Variants in MCHR2 observed in about 807,000 individuals in gnomAD.
MCHR2 encodes melanin concentrating hormone receptor 2, also known as melanin-concentrating hormone receptor 2.
In MCHR2, 15 loss-of-function variants were observed where a neutral mutation model predicts 24.8. That is an observed-to-expected ratio of 0.60 (90% CI 0.40 to 0.93). MCHR2 has a LOEUF of 0.93. Ranked by LOEUF, MCHR2 falls within the 40% of genes least tolerant of loss-of-function variation. The probability of loss-of-function intolerance (pLI) is 0.00; values close to 1 mark genes in which losing one functional copy is unlikely to be tolerated. For missense variants in MCHR2, 386 were observed against 408.7 expected (o/e 0.94, Z 0.48); for synonymous variants, 151 against 147.6 (o/e 1.02, Z -0.17).
At chr6:99,972,468 C>T (rs1003747790) in intron 1 of MCHR2, among the ~76,000 whole-genome samples, 3 of 152,080 alleles carry the variant, frequency 2.0e-5, no homozygotes, top group African/African-American at 7.2e-5. Flanking sequence ...CTTTATTAGT[C>T]TTGCTAGCAG....
intron 5 of MCHR2, among the ~76,000 whole-genome samples, chr6:99,934,025 AAC>A (rs949979502): frequency 5.9e-4 from 90 of 152,116 alleles, no homozygotes; most frequent in African/African-American, 2.1e-3. Context: ...AAAAAATTGA[AAC>A]ACAAAAATTA....
At chr6:99,925,852 A>T (rs1327715192) in intron 5 of MCHR2, among the ~76,000 whole-genome samples, 1 of 149,234 alleles carries the variant, frequency 6.7e-6, no homozygotes, top group African/African-American at 2.5e-5. Flanking sequence ...TTATTATTAT[A>T]CTTTAAGTTT....
At chr6:99,950,436 C>T (rs1562124923) in intron 2 of MCHR2, among the ~76,000 whole-genome samples, 1 of 151,918 alleles carries the variant, frequency 6.6e-6, no homozygotes, top group Non-Finnish European at 1.5e-5. Flanking sequence ...AATACAAAGA[C>T]TTGTGATAAT....
Position 99,969,488 on chromosome 6 carries a change from A to AG in MCHR2, c.-27-13315_-27-13314insC, listed in dbSNP as rs200581936. Reference sequence around the variant, plus strand: ...GACTCCATCTCAAAAAAAAAAAAAAAAAAAGAAAAGAAAACTCAAGAGAAG... The same window carrying AG: ...GACTCCATCTCAAAAAAAAAAAAAAAGAAAAGAAAAGAAAACTCAAGAGAAG... On this transcript the variant is annotated intron_variant, in intron 1 of 5. Coordinates refer to ENST00000281806, the MANE Select transcript of MCHR2 (RefSeq NM_001040179.2). 4.9e-3 allele frequency among the ~76,000 whole-genome samples: 735 copies of AG among 148,688 alleles called. 20 individuals carry two copies. Among genetic ancestry groups the AG allele is most frequent in the Admixed American group, 0.034 (487 of 14,518 alleles).
intron 1 of MCHR2, among the ~76,000 whole-genome samples, chr6:99,983,154 A>G (rs1775703711): frequency 1.3e-5 from 2 of 151,132 alleles, no homozygotes; most frequent in Non-Finnish European, 3.0e-5. Flanking sequence ...GTATTTTTGT[A>G]GAGACAGGGT....
intron 1 of MCHR2, among the ~76,000 whole-genome samples, chr6:99,974,329 CA>C (rs1237108528): frequency 6.6e-6 from 1 of 152,198 alleles, no homozygotes; most frequent in Non-Finnish European, 1.5e-5. Context: ...AACACTGATA[CA>C]CTTTCTTCCA....
intron 1 of MCHR2, among the ~76,000 whole-genome samples, chr6:99,974,033 G>T (rs1775495303): frequency 6.6e-6 from 1 of 152,088 alleles, no homozygotes; most frequent in South Asian, 2.1e-4. Context: ...TGACAATTAT[G>T]TGTCTTGGAG....
intron 5 of MCHR2, among the ~76,000 whole-genome samples, chr6:99,923,338 A>G (rs1170566763): frequency 6.6e-6 from 1 of 152,174 alleles, no homozygotes; most frequent in Non-Finnish European, 1.5e-5. Flanking sequence ...ATCTGTAAAC[A>G]AGGATAATTT....
In MCHR2 at chr6:99,925,746, C is replaced by A. The variant is rs1774340361; in HGVS notation, c.708-4491G>T. On this transcript the variant is annotated intron_variant, in intron 5 of 5. Transcript: ENST00000281806. ...AACTTTTTGTTGTTTCAGTGTATAT[C>A]TTATTGTATTATCTATGTCTTGAAA... Among the ~76,000 whole-genome samples the A allele has an allele frequency of 2.0e-5, 3 of 151,242 alleles. No individual in the cohort carries two copies. The South Asian group carries it at 6.3e-4, about 32-fold the overall frequency.
At chr6:99,975,609 G>T (rs890295640) in intron 1 of MCHR2, among the ~76,000 whole-genome samples, 12 of 152,234 alleles carry the variant, frequency 7.9e-5, no homozygotes, top group African/African-American at 2.9e-4. Context: ...ACTCCCTAGT[G>T]AGATGAACCC....
intron 5 of MCHR2, among the ~76,000 whole-genome samples, chr6:99,930,773 C>A (rs1260913295): frequency 6.6e-6 from 1 of 151,914 alleles, no homozygotes; most frequent in African/African-American, 2.4e-5. Flanking sequence ...AACTTCTTTC[C>A]CTTTGGTTTG....
intron 3 of MCHR2, among the ~76,000 whole-genome samples, chr6:99,943,802 T>C (rs749534477): frequency 6.6e-6 from 1 of 152,202 alleles, no homozygotes; most frequent in Non-Finnish European, 1.5e-5. Context: ...GTGCAAACTC[T>C]TTCTTTACAA....
At chr6:99,948,560 AGATCAT>A (rs1774916140) in intron 2 of MCHR2, among the ~76,000 whole-genome samples, 1 of 152,152 alleles carries the variant, frequency 6.6e-6, no homozygotes, top group Non-Finnish European at 1.5e-5. Flanking sequence ...ACTTTATGAC[AGATCAT>A]GAGCCAGAAC....
At position 99,966,429 on chromosome 6, in the gene MCHR2, A is replaced by G. The variant is rs191546479; in HGVS notation, c.-27-10255T>C. 4.9e-3 allele frequency among the ~76,000 whole-genome samples: 745 copies of G among 152,318 alleles called. 9 individuals carry two copies. Among genetic ancestry groups the G allele is most frequent in the African/African-American group, 0.017 (719 of 41,578 alleles). On this transcript the variant is annotated intron_variant, in intron 1 of 5. Coordinates refer to ENST00000281806, the MANE Select transcript of MCHR2 (RefSeq NM_001040179.2). ...AAATTTGTTGCTTTATTGACTTAAT[A>G]TAATTTCAAATTGGGAAACTCACCA...
chr6:99,959,479 A>C lies in MCHR2; in HGVS notation c.-27-3305T>G, dbSNP rs764257938. ...TGCAAAGTTACAAGGAAAACAAAGA[A>C]GCAGAGAAAAATTGCCCAATCAAAT... On this transcript the variant is annotated intron_variant, in intron 1 of 5. Coordinates refer to ENST00000281806, the MANE Select transcript of MCHR2 (RefSeq NM_001040179.2). Among the ~76,000 whole-genome samples the C allele has an allele frequency of 2.4e-4, 36 of 151,844 alleles. 1 individual carries two copies. The highest frequency in any genetic ancestry group is 1.0e-3 in the South Asian group (5 of 4,788).
chr6:99,962,798 A>G (rs1219257973), intron 1 of MCHR2, among the ~76,000 whole-genome samples: 4 of 152,144 alleles, frequency 2.6e-5, no homozygotes, highest in Non-Finnish European at 5.9e-5. Flanking sequence ...AACAGAGTCT[A>G]AATACATCCT....
rs76981880 is a variant in MCHR2, at chr6:99,948,450, C to G, written c.183-479G>C. Among the ~76,000 whole-genome samples the G allele has an allele frequency of 1.5e-3, 226 of 152,180 alleles. 2 individuals carry two copies. The highest frequency in any genetic ancestry group is 5.0e-3 in the African/African-American group (209 of 41,540). ...GGAATTGGTTAACAACCAGTCAGCA[C>G]CAGCTTTCCAGGTATGGGAATAAGC... On this transcript the variant is annotated intron_variant, in intron 2 of 5. Transcript: ENST00000281806.
At chr6:99,992,368 T>C (rs72940352) in intron 1 of MCHR2, among the ~76,000 whole-genome samples, 2,004 of 152,330 alleles carry the variant, frequency 0.013, 56 homozygotes, top group East Asian at 0.12. Context: ...CTGCCTCTTA[T>C]GCATTTAGCC....
At chr6:99,966,570 A>C (rs1165905073) in intron 1 of MCHR2, among the ~76,000 whole-genome samples, 1 of 152,146 alleles carries the variant, frequency 6.6e-6, no homozygotes, top group Non-Finnish European at 1.5e-5. Flanking sequence ...CTAAACTTGA[A>C]GAGTGAATGC....
Sources: gnomAD v4.1 joint callset for allele counts (sites outside exome capture counted in the v4.1 genomes callset) on GRCh38, gnomAD v4.1.1 for gene constraint, MANE v1.5 for transcripts, NCBI Gene and HGNC (gene_info 2026-07-23, HGNC 2026-07-21) for gene names.